NAALADL2: variants seen among roughly 807,000 people sequenced by gnomAD.
NAALADL2 encodes inactive N-acetylated-alpha-linked acidic dipeptidase-like protein 2.
A neutral mutation model predicts 87.2 loss-of-function variants in NAALADL2; 76 were observed. The observed-to-expected ratio is 0.87, with a 90% confidence interval of 0.72 to 1.05. NAALADL2 has a LOEUF of 1.05. Ranked by LOEUF, NAALADL2 falls within the 50% of genes least tolerant of loss-of-function variation. The pLI is 0.00. For synonymous variants in NAALADL2, 354 were observed against 331.0 expected, an observed-to-expected ratio of 1.07 and a Z score of -0.75; for missense variants, 1,089 against 945.8, an observed-to-expected ratio of 1.15 and a Z score of -1.99.
intron 1 of NAALADL2, among the ~76,000 whole-genome samples, chr3:175,071,507 A>G (rs35723918): frequency 0.11 from 16,984 of 152,074 alleles, 1,076 homozygotes; most frequent in East Asian, 0.21. Flanking sequence ...TATTACCCTT[A>G]CATACCTCTG....
chr3:175,313,316 G>A (rs1348199855), intron 4 of NAALADL2, among the ~76,000 whole-genome samples: 1 of 151,950 alleles, frequency 6.6e-6, no homozygotes, highest in Admixed American at 6.6e-5. Flanking sequence ...CCATAACAGT[G>A]AGACTTAAAT....
chr3:174,721,602 G>C (rs1373742091), intron 2 of NAALADL2, among the ~76,000 whole-genome samples: 1 of 152,206 alleles, frequency 6.6e-6, no homozygotes, highest in Non-Finnish European at 1.5e-5. Flanking sequence ...TGATGGTATG[G>C]AGGAGAGCTC....
intron 3 of NAALADL2, among the ~76,000 whole-genome samples, chr3:174,792,552 T>A (rs1717587545): frequency 6.6e-6 from 1 of 152,160 alleles, no homozygotes; most frequent in Non-Finnish European, 1.5e-5. Context: ...TATCACATGA[T>A]TCTTACATGT....
intron 10 of NAALADL2, among the ~76,000 whole-genome samples, chr3:175,597,789 G>A (rs1722439088): frequency 6.6e-6 from 1 of 152,052 alleles, no homozygotes; most frequent in Admixed American, 6.6e-5. Flanking sequence ...GTCCCCAGTT[G>A]AGAATTCTGA....
intron 11 of NAALADL2, among the ~76,000 whole-genome samples, chr3:175,691,691 A>C (rs1265848371): frequency 6.6e-6 from 1 of 152,036 alleles, no homozygotes; most frequent in Non-Finnish European, 1.5e-5. Context: ...TTTGGTGTGA[A>C]TGGCTTTAGT....
intron 3 of NAALADL2, among the ~76,000 whole-genome samples, chr3:174,799,682 T>A (rs1395544891): frequency 6.6e-6 from 1 of 152,166 alleles, no homozygotes; most frequent in Admixed American, 6.6e-5. Flanking sequence ...GCAGAAAAGA[T>A]ACCCAAAAAT....
At chr3:175,133,130 C>T (rs1243120422) in intron 2 of NAALADL2, among the ~76,000 whole-genome samples, 1 of 148,468 alleles carries the variant, frequency 6.7e-6, no homozygotes, top group Non-Finnish European at 1.5e-5. Flanking sequence ...GATGGGCGGC[C>T]GGGCAGAGAC....
Position 175,618,469 on chromosome 3 carries a change from C to A in NAALADL2, c.1801-8822C>A, listed in dbSNP as rs186540224. On this transcript the variant is annotated intron_variant, in intron 10 of 13. Coordinates refer to ENST00000454872, the MANE Select transcript of NAALADL2 (RefSeq NM_207015.3). ...CCTATTCCCTTGGGATTGCCCTTTG[C>A]AGCTTATAACTTGACCAAACCCTTA... Among the ~76,000 whole-genome samples the A allele has an allele frequency of 2.0e-5, 3 of 152,300 alleles. No individual in the cohort carries two copies. The East Asian group carries it at 5.8e-4, about 29-fold the overall frequency.
intron 1 of NAALADL2, among the ~76,000 whole-genome samples, chr3:174,481,072 G>A (rs895146676): frequency 1.9e-4 from 29 of 152,032 alleles, no homozygotes; most frequent in Admixed American, 1.8e-3. Context: ...CAACTTGTTT[G>A]GAGATTGACT....
At chr3:174,607,972 G>C (rs1719313940) in intron 2 of NAALADL2, among the ~76,000 whole-genome samples, 1 of 152,096 alleles carries the variant, frequency 6.6e-6, no homozygotes, top group African/African-American at 2.4e-5. Context: ...CTGTCTCTCA[G>C]ACCACAGTGC....
intron 4 of NAALADL2, among the ~76,000 whole-genome samples, chr3:175,262,521 A>G (rs532376809): frequency 2.7e-4 from 41 of 151,854 alleles, no homozygotes; most frequent in African/African-American, 8.9e-4. Context: ...GCCTAATGCA[A>G]TGGGCACAAA....
intron 7 of NAALADL2, among the ~76,000 whole-genome samples, chr3:175,465,760 C>T (rs76270506): frequency 1.3e-5 from 2 of 152,158 alleles, no homozygotes; most frequent in South Asian, 2.1e-4. Context: ...CGTGAGCCAC[C>T]GCCCATTAAT....
intron 1 of NAALADL2, among the ~76,000 whole-genome samples, chr3:175,043,503 C>G (rs2108982142): frequency 6.6e-6 from 1 of 152,266 alleles, no homozygotes; most frequent in South Asian, 2.1e-4. Context: ...TCCCAAAGTG[C>G]TGGCGTTACA....
At chr3:175,043,728 T>C (rs1007894295) in intron 1 of NAALADL2, among the ~76,000 whole-genome samples, 2 of 152,160 alleles carry the variant, frequency 1.3e-5, no homozygotes, top group African/African-American at 2.4e-5. Context: ...TCTCTTCTGT[T>C]AGTCTATGTG....
At chr3:175,724,761 T>A (rs1348721354) in intron 11 of NAALADL2, among the ~76,000 whole-genome samples, 13 of 152,102 alleles carry the variant, frequency 8.5e-5, no homozygotes. Context: ...ATGATGTCAT[T>A]ATTTTTTAAT....
At chr3:174,677,487 T>G (rs909949120) in intron 2 of NAALADL2, among the ~76,000 whole-genome samples, 1 of 152,106 alleles carries the variant, frequency 6.6e-6, no homozygotes, top group African/African-American at 2.4e-5. Flanking sequence ...CTGTGAACAT[T>G]CTTATACACA....
At chr3:175,307,019 A>C (rs992549900) in intron 4 of NAALADL2, among the ~76,000 whole-genome samples, 5 of 152,160 alleles carry the variant, frequency 3.3e-5, no homozygotes, top group Non-Finnish European at 7.4e-5. Context: ...ATGCAAAGAC[A>C]GGAAGATTTG....
chr3:174,991,632 G>C (rs1029926963), intron 1 of NAALADL2, among the ~76,000 whole-genome samples: 5 of 152,002 alleles, frequency 3.3e-5, no homozygotes, highest in Non-Finnish European at 5.9e-5. Context: ...AGCCAGAAGA[G>C]AATAAGCAAT....
intron 3 of NAALADL2, among the ~76,000 whole-genome samples, chr3:174,817,961 T>C (rs1053107135): frequency 1.3e-5 from 2 of 152,230 alleles, no homozygotes; most frequent in Admixed American, 6.5e-5. Flanking sequence ...ATAGTAACTT[T>C]ATGAACTTCC....
Sources: allele counts gnomAD v4.1 joint callset (sites outside exome capture counted in the v4.1 genomes callset), GRCh38; gene constraint gnomAD v4.1.1; transcripts MANE v1.5; gene names NCBI Gene and HGNC (gene_info 2026-07-23, HGNC 2026-07-21).